CASK: variants seen among roughly 807,000 people sequenced by gnomAD.
CASK encodes peripheral plasma membrane protein CASK.
Under a neutral mutation model 82.9 loss-of-function variants are expected in CASK, and 4 were observed. The ratio of observed to expected loss-of-function variants is 0.05; its 90% CI spans 0.02 to 0.11. CASK has a LOEUF of 0.11. Ranked by LOEUF, CASK falls within the 10% of genes least tolerant of loss-of-function variation. The pLI, the probability that CASK is intolerant of heterozygous loss-of-function variation, is 1.00. For synonymous variants in CASK, 259 were observed against 253.5 expected, an observed-to-expected ratio of 1.02 and a Z score of -0.20; for missense variants, 358 against 720.9, an observed-to-expected ratio of 0.50 and a Z score of 5.76.
At chrX:41,618,562 C>T (rs1402019771) in intron 11 of CASK, among the ~76,000 whole-genome samples, 1 of 111,537 alleles carries the variant, frequency 9.0e-6, no homozygotes, top group East Asian at 2.8e-4. Context: ...CTCAGCCTCC[C>T]AAAGTGCTGG....
chrX:41,716,771 C>A (rs1313312225), intron 5 of CASK, among the ~76,000 whole-genome samples: 1 of 111,727 alleles, frequency 9.0e-6, no homozygotes, highest in Non-Finnish European at 1.9e-5. Context: ...TTGGGGCTAA[C>A]AATAAATGCA....
chrX:41,817,698 T>C (rs918060850), intron 2 of CASK, among the ~76,000 whole-genome samples: 9 of 111,006 alleles, frequency 8.1e-5, no homozygotes, highest in East Asian at 2.8e-4. Context: ...GACTGTAGAA[T>C]ACAAGACTGA....
intron 3 of CASK, among the ~76,000 whole-genome samples, chrX:41,766,171 T>C (rs753256847): frequency 9.4e-4 from 106 of 112,384 alleles, no homozygotes; most frequent in African/African-American, 3.3e-3. Flanking sequence ...AGAAGAGTTA[T>C]TTAAAATTTC....
intron 8 of CASK, among the ~76,000 whole-genome samples, chrX:41,656,100 C>T (rs756152971): frequency 9.0e-6 from 1 of 111,684 alleles, no homozygotes; most frequent in Non-Finnish European, 1.9e-5. Flanking sequence ...CTGTGTGCTC[C>T]CTCGAGGTGG....
At position 41,801,180 on chromosome X, in the gene CASK, G is replaced by C. The variant is rs145803555; in HGVS notation, c.173-13897C>G. ...CCCAGATGTTGGAATTAGCAGAAAA[G>C]ACTTCAAAGCAGCTATTATAAATAC... On this transcript the variant is annotated intron_variant, in intron 2 of 26. Transcript: ENST00000378163. 3.9e-4 allele frequency among the ~76,000 whole-genome samples: 44 copies of C among 111,884 alleles called. No individual in the cohort carries two copies. In the East Asian group the frequency reaches 0.011, roughly 28 times the overall value.
intron 15 of CASK, among the ~76,000 whole-genome samples, chrX:41,572,674 AC>A (rs2065430340): frequency 8.9e-6 from 1 of 112,437 alleles, no homozygotes; most frequent in African/African-American, 3.2e-5. Flanking sequence ...ACTCTAAAAC[AC>A]ATTGTTATTT....
chrX:41,629,768 T>C (rs1203770356), intron 9 of CASK, among the ~76,000 whole-genome samples: 1 of 112,117 alleles, frequency 8.9e-6, no homozygotes, highest in African/African-American at 3.2e-5. Flanking sequence ...TGGGTTGGAT[T>C]TGACCCCCAG....
intron 1 of CASK, among the ~76,000 whole-genome samples, chrX:41,921,051 T>C (rs180871090): frequency 2.2e-4 from 25 of 112,264 alleles, no homozygotes; most frequent in African/African-American, 7.1e-4. Context: ...ACTGTGCTAT[T>C]CACATGTGGC....
In CASK at chrX:41,745,452, C is replaced by T. The variant is rs2068671357; in HGVS notation, c.356+72G>A. The T allele has an allele frequency of 3.8e-5, 26 of 681,529 alleles. No homozygotes were observed. The South Asian group carries it at 5.9e-4, about 16-fold the overall frequency. The allele number at this position is 681,529 out of a possible 1,213,427, so 56.2% of individuals were successfully genotyped here. A position where few individuals can be genotyped will look rare whatever the true frequency, so the allele number is the denominator to read the frequency against. ...AGCAGCATGCTCTTTATCAGTTTGT[C>T]ATGTGATGTCTTTGTCATTTTCTTT... On this transcript the variant is annotated intron_variant, in intron 4 of 26. Transcript: ENST00000378163.
At chrX:41,569,777 A>G in intron 15 of CASK, 31 bp from the exon 16 acceptor site, 2 of 887,909 alleles carry the variant, frequency 2.3e-6, no homozygotes, top group Non-Finnish European at 3.3e-6. Context: ...AGTTCAGCAA[A>G]AGTAGAATTA....
At position 41,696,232 on chromosome X, in the gene CASK, A is replaced by G. The variant is rs1370898544; in HGVS notation, c.430-24702T>C. ...TTAACACTTAAGAAAGGAGGGCATA[A>G]TTCCACAATGTGTTTCCATTACAGA... On this transcript the variant is annotated intron_variant, in intron 5 of 26. Coordinates refer to ENST00000378163, the MANE Select transcript of CASK (RefSeq NM_001367721.1). 1.6e-5 allele frequency: 19 copies of G among 1,206,445 alleles called. No individual in the cohort carries two copies. The highest frequency in any genetic ancestry group is 2.1e-5 in the Non-Finnish European group (19 of 893,028).
chrX:41,728,778 A>T (rs779995773), intron 5 of CASK: 1 of 123,699 alleles, frequency 8.1e-6, no homozygotes, highest in Admixed American at 9.4e-5. Flanking sequence ...AAGTAAAAAA[A>T]TAAATAAGAA....
rs962579619 is a variant in CASK at position 41,916,243 on chromosome X, A to C, written c.59+6687T>G. Among the ~76,000 whole-genome samples the C allele has an allele frequency of 2.7e-5, 3 of 112,914 alleles. No individual in the cohort carries two copies. The South Asian group carries it at 1.1e-3, about 41-fold the overall frequency. On this transcript the variant is annotated intron_variant, in intron 1 of 26. Coordinates refer to ENST00000378163, the MANE Select transcript of CASK (RefSeq NM_001367721.1). The stretch of plus-strand genomic sequence containing the variant: ...ATAATTTACTGTATAAAAACTAATT[A>C]ATAAAGAAAAGTAACACAAAATTAT...
At chrX:41,744,891 C>A (rs1488316332) in intron 4 of CASK, among the ~76,000 whole-genome samples, 1 of 111,612 alleles carries the variant, frequency 9.0e-6, no homozygotes, top group Non-Finnish European at 1.9e-5. Flanking sequence ...AATAAAAAAA[C>A]CCAAGTAGAA....
chrX:41,673,319 T>C (rs945303005), intron 5 of CASK, among the ~76,000 whole-genome samples: 2 of 111,848 alleles, frequency 1.8e-5, no homozygotes, highest in African/African-American at 6.5e-5. Context: ...GGGGTCTTGA[T>C]ATGTTGCCCA....
chrX:41,558,325 GTTC>G (rs1425101113), intron 18 of CASK: 1 of 109,021 alleles, frequency 9.2e-6, no homozygotes, highest in Non-Finnish European at 1.9e-5. Context: ...GGTAAGAGGG[GTTC>G]TTCTTACTCA....
intron 1 of CASK, among the ~76,000 whole-genome samples, chrX:41,907,626 C>A (rs886620913): frequency 7.2e-5 from 8 of 111,808 alleles, no homozygotes; most frequent in African/African-American, 2.3e-4. Context: ...TATTCAATAT[C>A]TATGTGCTCA....
At position 41,609,868 on chromosome X, in the gene CASK, C is replaced by A. The variant is rs138469909; in HGVS notation, c.1155+36G>T. ...CACCGTGCCCGGCCAATATTCAATTCACCAAAAAAGAAGAATAATAAAAAG... is the reference window on the plus strand; with the variant it reads ...CACCGTGCCCGGCCAATATTCAATTAACCAAAAAAGAAGAATAATAAAAAG... On this transcript the variant is annotated intron_variant, in intron 12 of 26. Coordinates refer to ENST00000378163, the MANE Select transcript of CASK (RefSeq NM_001367721.1). 4.5e-4 allele frequency: 540 copies of A among 1,200,952 alleles called. No individual in the cohort carries two copies. The African/African-American group carries it at 8.3e-3, about 19-fold the overall frequency.
intron 16 of CASK, among the ~76,000 whole-genome samples, chrX:41,563,168 C>A (rs2065256400): frequency 9.5e-6 from 1 of 104,766 alleles, no homozygotes; most frequent in Non-Finnish European, 1.9e-5. Context: ...AGTTTGAGAC[C>A]AACCTGGGCA....
Sources: allele counts gnomAD v4.1 joint callset (sites outside exome capture counted in the v4.1 genomes callset), GRCh38; gene constraint gnomAD v4.1.1; transcripts MANE v1.5; gene names NCBI Gene and HGNC (gene_info 2026-07-23, HGNC 2026-07-21).